Variants in DTYMK observed in about 807,000 individuals in gnomAD.
DTYMK encodes the protein thymidylate kinase.
Under a neutral mutation model 20.3 loss-of-function variants are expected in DTYMK, and 20 were observed. That is an observed-to-expected ratio of 0.99 (90% CI 0.69 to 1.43). The LOEUF (loss-of-function observed/expected upper bound fraction) is 1.43, where lower values mean the gene tolerates loss of function less well. DTYMK is among the 40% of genes most tolerant of loss of function. The probability of loss-of-function intolerance (pLI) is 0.00; values close to 1 mark genes in which losing one functional copy is unlikely to be tolerated. For missense variants in DTYMK, 320 were observed against 291.1 expected, an observed-to-expected ratio of 1.10 and a Z score of -0.72; for synonymous variants, 148 against 124.4, an observed-to-expected ratio of 1.19 and a Z score of -1.27.
At chr2:241,682,324 G>A (rs549357164) in intron 2 of DTYMK, 10 of 416,388 alleles carry the variant, frequency 2.4e-5, no homozygotes, top group African/African-American at 1.9e-4. Context: ...GCATGACACA[G>A]AGACCCTGTC....
intron 3 of DTYMK, among the ~76,000 whole-genome samples, chr2:241,679,651 T>G (rs2069195038): frequency 6.6e-6 from 1 of 151,046 alleles, no homozygotes; most frequent in African/African-American, 2.4e-5. Context: ...GGGAAAAAAG[T>G]ACTACAAATG....
At chr2:241,677,450 C>A (rs868517594) in intron 4 of DTYMK, among the ~76,000 whole-genome samples, 1 of 152,282 alleles carries the variant, frequency 6.6e-6, no homozygotes, top group South Asian at 2.1e-4. Context: ...CATCTGCAGG[C>A]ACAGCCAGTC....
chr2:241,686,715 G>A lies in DTYMK; in HGVS notation c.69C>T (p.Ser23=). Residue 23 remains serine, a synonymous_variant, in exon 1 of 5, where the codon AGC becomes AGT. Transcript: ENST00000305784. ...GVDRAGKSTQ[S]RKLVEALCAA... is the part of the protein sequence containing the mutation. ...CGCACAGCGCTTCCACCAGCTTGCGGCTCTGCGTGCTCTTCCCGGCGCGGT... is the reference window on the plus strand; with the variant it reads ...CGCACAGCGCTTCCACCAGCTTGCGACTCTGCGTGCTCTTCCCGGCGCGGT... The A allele has an allele frequency of 6.5e-7, 1 of 1,542,862 alleles. No homozygotes were observed.
intron 2 of DTYMK, chr2:241,685,205 AT>A (rs1219569987): frequency 1.3e-4 from 18 of 136,618 alleles, no homozygotes; most frequent in Non-Finnish European, 2.2e-4. Context: ...TGTCTTAAAA[AT>A]AAAAAAAAAA....
chr2:241,677,124 C>T (rs890850500), intron 4 of DTYMK, among the ~76,000 whole-genome samples: 7 of 152,232 alleles, frequency 4.6e-5, no homozygotes, highest in African/African-American at 9.6e-5. Flanking sequence ...CTTCTGCTGT[C>T]GGGTGGCACC....
Position 241,676,157 on chromosome 2 carries a change from T to C in DTYMK, c.609A>G (p.Thr203=). ...TCCATAGCTCCCCCAGCGGCTTCTC[T>C]GTGGCAGTGCGGATGGCGTCCTCAG... ...VLSEDAIRTA[T]EKPLGELWK Residue 203 remains threonine, a synonymous_variant, in exon 5 of 5, where the codon ACA becomes ACG. Coordinates refer to ENST00000305784, the MANE Select transcript of DTYMK (RefSeq NM_012145.4). 1 of 1,612,930 alleles carries C rather than the reference T, an allele frequency of 6.2e-7. No homozygotes were observed. Among genetic ancestry groups the C allele is most frequent in the Non-Finnish European group, 8.5e-7 (1 of 1,179,522 alleles).
At position 241,678,653 on chromosome 2, in the gene DTYMK, C is replaced by G. The variant is rs1323386039; in HGVS notation, c.331-4G>C. Reference sequence around the variant, plus strand: ...TACACCAATCTAGGGAAAAATTCTGCCAAGAAAGAACCCAACAGTTAAAGC... The same window carrying G: ...TACACCAATCTAGGGAAAAATTCTGGCAAGAAAGAACCCAACAGTTAAAGC... On this transcript the variant is annotated splice_polypyrimidine_tract_variant and splice_region_variant and intron_variant, in intron 3 of 4. Transcript: ENST00000305784. The G allele has an allele frequency of 6.2e-7, 1 of 1,613,850 alleles. No individual in the cohort carries two copies. Among genetic ancestry groups the G allele is most frequent in the Admixed American group, 1.7e-5 (1 of 60,006 alleles).
At chr2:241,677,173 A>G (rs1390449022) in intron 4 of DTYMK, among the ~76,000 whole-genome samples, 3 of 152,178 alleles carry the variant, frequency 2.0e-5, no homozygotes, top group Admixed American at 6.5e-5. Flanking sequence ...AATTCTAGAA[A>G]ATCTGCCAGG....
intron 3 of DTYMK, 108 bp downstream of exon 3, chr2:241,680,121 A>G: frequency 2.0e-6 from 2 of 1,021,260 alleles, no homozygotes; most frequent in South Asian, 2.9e-5. Flanking sequence ...TATAAGAATC[A>G]CGAAACTCTG....
In DTYMK at chr2:241,686,639, G is replaced by A; in HGVS notation, c.130+15C>T. 1 of 1,496,686 alleles carries A rather than the reference G, an allele frequency of 6.7e-7. No homozygotes were observed. The highest frequency in any genetic ancestry group is 8.8e-7 in the Non-Finnish European group (1 of 1,135,964). The allele number at this position is 1,496,686 out of a possible 1,614,324, so 92.7% of individuals were successfully genotyped here. A position where few individuals can be genotyped will look rare whatever the true frequency, so the allele number is the denominator to read the frequency against. On this transcript the variant is annotated intron_variant, in intron 1 of 4. Coordinates refer to ENST00000305784, the MANE Select transcript of DTYMK (RefSeq NM_012145.4). ...CACCGAAGGCCGCGGCGCACCCCCC[G>A]CCGCGCGCACCCACCCGGGAACCGG...
chr2:241,679,664 C>G (rs923424341), intron 3 of DTYMK, among the ~76,000 whole-genome samples: 3 of 151,538 alleles, frequency 2.0e-5, no homozygotes, highest in African/African-American at 7.3e-5. Context: ...TACAAATGAA[C>G]CATCTTTGAA....
At chr2:241,679,948 G>A (rs1170725746) in intron 3 of DTYMK, among the ~76,000 whole-genome samples, 1 of 141,572 alleles carries the variant, frequency 7.1e-6, no homozygotes. Context: ...CAGCCTGGGT[G>A]ACAGAATGAG....
At chr2:241,676,375 G>A (rs1365226267) in intron 4 of DTYMK, 138 bp from the exon 5 acceptor site, 5 of 738,026 alleles carry the variant, frequency 6.8e-6, no homozygotes, top group South Asian at 1.8e-5. Context: ...TTCAAGACCA[G>A]CCTGGGCTAC....
At chr2:241,680,642 C>T (rs2069236687) in intron 2 of DTYMK, among the ~76,000 whole-genome samples, 1 of 152,148 alleles carries the variant, frequency 6.6e-6, no homozygotes. Context: ...CACTGCATTC[C>T]AGCCTGGGTG....
In DTYMK at chr2:241,675,914, G is replaced by A. The variant is rs1214557045; in HGVS notation, c.*213C>T. On this transcript the variant is annotated 3_prime_UTR_variant, in exon 5 of 5. Coordinates refer to ENST00000305784, the MANE Select transcript of DTYMK (RefSeq NM_012145.4). ...GGAGAGGGCAGGAGACTGCTCCATC[G>A]CTCTGCTCATGTCCACACTGCCAAG... The A allele has an allele frequency of 8.1e-6, 4 of 495,916 alleles. No homozygotes were observed. Among genetic ancestry groups the A allele is most frequent in the African/African-American group, 2.0e-5 (1 of 50,570 alleles). 30.7% of individuals were successfully genotyped at this position (495,916 alleles called of 1,614,324 possible). A position where few individuals can be genotyped will look rare whatever the true frequency, so the allele number is the denominator to read the frequency against.
intron 2 of DTYMK, chr2:241,685,206 TAAAA>T (rs540179173): frequency 7.1e-6 from 1 of 140,998 alleles, no homozygotes; most frequent in Non-Finnish European, 1.5e-5. Flanking sequence ...GTCTTAAAAA[TAAAA>T]AAAAAAGGGC....
Position 241,677,344 on chromosome 2 carries a change from G to A in DTYMK, c.529-1107C>T, listed in dbSNP as rs150671863. 4.2e-3 allele frequency among the ~76,000 whole-genome samples: 642 copies of A among 152,344 alleles called. 3 individuals are homozygous for A. The highest frequency in any genetic ancestry group is 7.1e-3 in the Non-Finnish European group (482 of 68,028). On this transcript the variant is annotated intron_variant, in intron 4 of 4. Coordinates refer to ENST00000305784, the MANE Select transcript of DTYMK (RefSeq NM_012145.4). ...AGAACCGCCCAAGATGAGCCTCTCC[G>A]GGCGGAATGACTGCCAGAGAGAATG...
chr2:241,685,837 C>T lies in DTYMK; in HGVS notation c.171G>A (p.Leu57=). Residue 57 remains leucine, a synonymous_variant, in exon 2 of 5, where the codon TTG becomes TTA. Coordinates refer to ENST00000305784, the MANE Select transcript of DTYMK (RefSeq NM_012145.4). ...GATCCTCCACGTCACTTTTCTTTTGCAAGTAGGAACTCAGAAGTTTGCCGA... is the reference window on the plus strand; with the variant it reads ...GATCCTCCACGTCACTTTTCTTTTGTAAGTAGGAACTCAGAAGTTTGCCGA... ...TEIGKLLSSY[L]QKKSDVEDHS... 2 of 1,614,152 alleles carry T rather than the reference C, an allele frequency of 1.2e-6. No homozygotes were observed. Among genetic ancestry groups the T allele is most frequent in the Non-Finnish European group, 1.7e-6 (2 of 1,180,004 alleles).
chr2:241,677,419 G>A (rs1250518154), intron 4 of DTYMK, among the ~76,000 whole-genome samples: 2 of 152,256 alleles, frequency 1.3e-5, no homozygotes, highest in Admixed American at 6.5e-5. Flanking sequence ...TCCGGGAAAC[G>A]AAAAGCTGCG....
Sources: allele counts gnomAD v4.1 joint callset (sites outside exome capture counted in the v4.1 genomes callset), GRCh38; gene constraint gnomAD v4.1.1; transcripts MANE v1.5; gene names NCBI Gene and HGNC (gene_info 2026-07-23, HGNC 2026-07-21).